Variants in BBS2 observed in about 807,000 individuals in gnomAD.
BBS2 encodes the protein BBSome complex member BBS2.
In BBS2, 62 loss-of-function variants were observed where a neutral mutation model predicts 83.0. The observed-to-expected ratio is 0.75, with a 90% CI of 0.61 to 0.92. The LOEUF is 0.92. BBS2 is among the 40% of genes least tolerant of loss of function. The pLI, the probability that BBS2 is intolerant of heterozygous loss-of-function variation, is 0.00. For synonymous variants in BBS2, 303 were observed against 326.1 expected, an observed-to-expected ratio of 0.93 and a Z score of 0.76; for missense variants, 784 against 901.0, an observed-to-expected ratio of 0.87 and a Z score of 1.66.
chr16:56,488,953 TTTTC>T (rs1321422721), intron 15 of BBS2, among the ~76,000 whole-genome samples: 2 of 152,158 alleles, frequency 1.3e-5, no homozygotes, highest in African/African-American at 4.8e-5. Context: ...GAAATTTATA[TTTTC>T]TTTTTTAGAG....
chr16:56,506,689 TTTTC>T (rs1245639921), intron 5 of BBS2, among the ~76,000 whole-genome samples: 2 of 152,212 alleles, frequency 1.3e-5, no homozygotes, highest in East Asian at 1.9e-4. Context: ...ATGTATACAC[TTTTC>T]TTTCTATGAC....
chr16:56,517,593 T>C (rs1167482425), intron 1 of BBS2, among the ~76,000 whole-genome samples: 5 of 152,204 alleles, frequency 3.3e-5, no homozygotes, highest in Non-Finnish European at 7.3e-5. Flanking sequence ...CACTTGCATA[T>C]TCAGTTAACT....
chr16:56,499,856 C>T lies in BBS2; in HGVS notation c.1449G>A (p.Met483Ile). Residue 483 changes from methionine to isoleucine, a missense_variant, in exon 12 of 17, where the codon ATG (methionine) becomes ATA (isoleucine). Physicochemically the swap from Met to Ile is conservative, Grantham distance 10. Coordinates refer to ENST00000245157, the MANE Select transcript of BBS2 (RefSeq NM_031885.5). ...CAGGGTCCAGGCTGGTCAGCGCATA[C>T]ATGGAGAATCGAGGGAGCTGTCTTG... ...ESTRQLPRFS[M>I]YALTSLDPAS... 1 of 1,614,160 alleles carries T rather than the reference C, an allele frequency of 6.2e-7. No homozygotes were observed. The highest frequency in any genetic ancestry group is 8.5e-7 in the Non-Finnish European group (1 of 1,180,024).
chr16:56,514,668 T>A lies in BBS2; in HGVS notation c.130A>T (p.Asn44Tyr). 6.2e-7 allele frequency: 1 copy of A among 1,613,458 alleles called. No homozygotes were observed. The highest frequency in any genetic ancestry group is 1.3e-5 in the African/African-American group (1 of 75,040). The change falls in exon 2 of 17, where the codon AAT becomes TAT. Residue 44 changes from asparagine to tyrosine, a missense_variant. By Grantham distance (143) the Asn-to-Tyr change is moderately radical. Transcript: ENST00000245157. ...ATQTGKVFIH[N>Y]PHTRNQHVSA... ...ACATGCTGGTTCCGTGTATGAGGAT[T>A]ATGAATAAAAACCTGAAACAAAAAT...
intron 13 of BBS2, among the ~76,000 whole-genome samples, chr16:56,498,086 A>T (rs1964163428): frequency 6.6e-6 from 1 of 152,186 alleles, no homozygotes; most frequent in African/African-American, 2.4e-5. Flanking sequence ...CTCTGGCCTT[A>T]GAAATTAAAT....
chr16:56,490,126 A>ACG (rs752270486), intron 15 of BBS2, among the ~76,000 whole-genome samples: 18 of 120,436 alleles, frequency 1.5e-4, no homozygotes, highest in Non-Finnish European at 2.8e-4. Context: ...ACACACACAC[A>ACG]CGCACACACA....
At chr16:56,491,481 G>A (rs372448658) in intron 15 of BBS2, among the ~76,000 whole-genome samples, 13 of 152,096 alleles carry the variant, frequency 8.5e-5, no homozygotes, top group Admixed American at 3.9e-4. Flanking sequence ...GAAGTCAAGC[G>A]GATGCCAGTG....
chr16:56,479,017 C>A (rs1216964715), intron 17 of BBS2: 1 of 152,242 alleles, frequency 6.6e-6, no homozygotes, highest in Non-Finnish European at 1.5e-5. Context: ...CCAATGTCAA[C>A]AACTCTTAGG....
intron 1 of BBS2, chr16:56,519,517 G>T: frequency 3.7e-6 from 2 of 544,996 alleles, no homozygotes; most frequent in Non-Finnish European, 3.3e-6. Context: ...CCCCGACCTC[G>T]CCTGACTCCA....
chr16:56,507,635 C>T (rs1290069157), intron 5 of BBS2, among the ~76,000 whole-genome samples: 1 of 151,948 alleles, frequency 6.6e-6, no homozygotes, highest in Non-Finnish European at 1.5e-5. Context: ...AGGCTCCGGG[C>T]CCTCTCTTCA....
At chr16:56,497,130 A>C (rs1964136741) in intron 14 of BBS2, 51 bp from the exon 15 acceptor site, 1 of 1,176,100 alleles carries the variant, frequency 8.5e-7, no homozygotes, top group Non-Finnish European at 1.3e-6. Flanking sequence ...AACTTCTTGA[A>C]CCCAGACAAA....
At chr16:56,487,950 G>T (rs1450808114) in intron 15 of BBS2, among the ~76,000 whole-genome samples, 1 of 152,144 alleles carries the variant, frequency 6.6e-6, no homozygotes, top group African/African-American at 2.4e-5. Context: ...TGTTTAACGG[G>T]TACAGAGTTT....
chr16:56,474,585 G>A (rs971822611), intron 17 of BBS2, among the ~76,000 whole-genome samples: 4 of 152,020 alleles, frequency 2.6e-5, no homozygotes, highest in African/African-American at 9.7e-5. Context: ...CTCCCAAAGT[G>A]TTGGGATTAC....
Position 56,500,949 on chromosome 16 carries a change from A to T in BBS2, c.1302T>A (p.Ile434=). The T allele has an allele frequency of 6.2e-7, 1 of 1,614,140 alleles. No individual in the cohort carries two copies. The highest frequency in any genetic ancestry group is 1.1e-5 in the South Asian group (1 of 91,088). The part of the protein sequence containing the change: ...TGESHVVHPS[I]HNLSSSICIP... The stretch of plus-strand genomic sequence containing the variant: ...TGCAGATGGAACTGGAGAGGTTGTG[A>T]ATGCTGGGATGTACCACGTGGCTTT... Residue 434 remains isoleucine, a synonymous_variant, in exon 11 of 17, where the codon ATT becomes ATA. Transcript: ENST00000245157.
intron 12 of BBS2, 156 bp from the exon 13 acceptor site, chr16:56,498,724 A>C: frequency 6.6e-7 from 1 of 1,520,728 alleles, no homozygotes; most frequent in South Asian, 1.2e-5. Flanking sequence ...AAAAAGAATT[A>C]TACTTCATCC....
At chr16:56,508,172 T>G (rs554790006) in intron 5 of BBS2, among the ~76,000 whole-genome samples, 9 of 152,214 alleles carry the variant, frequency 5.9e-5, no homozygotes, top group Non-Finnish European at 5.9e-5. Context: ...TTAAAATCAT[T>G]GGTAGCACTG....
At chr16:56,476,246 A>C in intron 17 of BBS2, 1 of 1,579,932 alleles carries the variant, frequency 6.3e-7, no homozygotes, top group Non-Finnish European at 8.6e-7. Context: ...ACCCTTCGTA[A>C]TTACTGGGAA....
chr16:56,519,070 C>T (rs1964836288), intron 1 of BBS2, among the ~76,000 whole-genome samples: 1 of 152,160 alleles, frequency 6.6e-6, no homozygotes, highest in African/African-American at 2.4e-5. Context: ...GTGGCTCACG[C>T]CTGTAATCCT....
At chr16:56,488,087 A>G (rs1275508752) in intron 15 of BBS2, among the ~76,000 whole-genome samples, 1 of 152,198 alleles carries the variant, frequency 6.6e-6, no homozygotes, top group African/African-American at 2.4e-5. Context: ...TAAATTTCAC[A>G]TTGTGTAGTT....
Sources: allele counts gnomAD v4.1 joint callset (sites outside exome capture counted in the v4.1 genomes callset), GRCh38; gene constraint gnomAD v4.1.1; transcripts MANE v1.5; gene names NCBI Gene and HGNC (gene_info 2026-07-23, HGNC 2026-07-21).